Variants in INSC observed in about 807,000 individuals in gnomAD.
INSC encodes protein inscuteable homolog.
A neutral mutation model predicts 58.6 loss-of-function variants in INSC; 67 were observed. That is an observed-to-expected ratio of 1.14 (90% CI 0.94 to 1.40). The LOEUF is 1.40. Ranked by LOEUF, INSC falls within the 40% of genes most tolerant of loss-of-function variation. The pLI is 0.00. For synonymous variants in INSC, 262 were observed against 276.1 expected, an observed-to-expected ratio of 0.95 and a Z score of 0.51; for missense variants, 714 against 692.0, an observed-to-expected ratio of 1.03 and a Z score of -0.36.
chr11:15,213,947 C>G (rs7129739), intron 7 of INSC, among the ~76,000 whole-genome samples: 42,641 of 152,028 alleles, frequency 0.28, 6,764 homozygotes, highest in East Asian at 0.73. Context: ...CGCCATAAAA[C>G]AAACACCTCA....
rs1343495387 is a variant in INSC, at chr11:15,177,715, C to G, written c.455+552C>G. Among the ~76,000 whole-genome samples, 3 of 152,162 alleles carry G rather than the reference C, an allele frequency of 2.0e-5. No individual in the cohort carries two copies. The East Asian group carries it at 5.8e-4, about 29-fold the overall frequency. ...GTATACACACCCAGGTGTGTGTTGA[C>G]TTTTTCCTTCACCCTTCCCAGAGCC... On this transcript the variant is annotated intron_variant, in intron 4 of 12. Coordinates refer to ENST00000379556, the MANE Select transcript of INSC (RefSeq NM_001042536.3).
chr11:15,248,317 G>A (rs1852613855), downstream of INSC, among the ~76,000 whole-genome samples: 1 of 152,216 alleles, frequency 6.6e-6, no homozygotes, highest in South Asian at 2.1e-4. Context: ...ACAATTTGGT[G>A]CCACTGCCTT....
chr11:15,251,737 G>T (rs895680062), downstream of INSC, among the ~76,000 whole-genome samples: 2 of 134,328 alleles, frequency 1.5e-5, no homozygotes, highest in Non-Finnish European at 3.2e-5. Context: ...GTGGGATGGT[G>T]GGATGGTAAA....
rs114550486 is a variant in INSC, at chr11:15,134,685, A to C, written c.-45-14445A>C. The stretch of plus-strand genomic sequence containing the variant: ...ATAGAGCATTTACTTTAGTTCTCAC[A>C]ATTAGTCTCATTAATTAAGACTAGT... On this transcript the variant is annotated intron_variant, in intron 1 of 12. Coordinates refer to ENST00000379556, the MANE Select transcript of INSC (RefSeq NM_001042536.3). Among the ~76,000 whole-genome samples the C allele has an allele frequency of 4.4e-3, 664 of 152,262 alleles. 4 individuals carry two copies. Among genetic ancestry groups the C allele is most frequent in the African/African-American group, 0.015 (635 of 41,534 alleles).
At chr11:15,213,024 A>G (rs1851086890) in intron 7 of INSC, among the ~76,000 whole-genome samples, 1 of 152,232 alleles carries the variant, frequency 6.6e-6, no homozygotes, top group Non-Finnish European at 1.5e-5. Flanking sequence ...CATTTCACCA[A>G]GTCAGCAAGG....
intron 1 of INSC, among the ~76,000 whole-genome samples, chr11:15,131,409 TA>T (rs1183973975): frequency 6.7e-5 from 10 of 149,402 alleles, no homozygotes; most frequent in African/African-American, 7.3e-5. Context: ...AGTAGTTGAT[TA>T]AAAAAAAAAG....
intron 6 of INSC, among the ~76,000 whole-genome samples, chr11:15,192,618 A>T (rs1399427729): frequency 1.3e-5 from 2 of 152,186 alleles, no homozygotes; most frequent in Admixed American, 6.5e-5. Context: ...AAATTCACAG[A>T]TCCAAAATCT....
At chr11:15,123,185 T>C (rs1392182807) in intron 1 of INSC, among the ~76,000 whole-genome samples, 1 of 152,246 alleles carries the variant, frequency 6.6e-6, no homozygotes, top group African/African-American at 2.4e-5. Flanking sequence ...GTTGTCACTT[T>C]CATAATCTTC....
chr11:15,151,498 G>A (rs1296006128), intron 2 of INSC, among the ~76,000 whole-genome samples: 3 of 152,304 alleles, frequency 2.0e-5, no homozygotes, highest in East Asian at 3.9e-4. Flanking sequence ...ACTGGTGGAA[G>A]TGAAGGGGGT....
At chr11:15,164,041 C>T (rs1250589879) in intron 2 of INSC, among the ~76,000 whole-genome samples, 1 of 152,124 alleles carries the variant, frequency 6.6e-6, no homozygotes, top group African/African-American at 2.4e-5. Flanking sequence ...TGAGTTGGGA[C>T]ATTTCCTTTC....
upstream of INSC, among the ~76,000 whole-genome samples, chr11:15,114,698 G>A (rs562932649): frequency 3.0e-4 from 46 of 152,358 alleles, 1 homozygote; most frequent in South Asian, 8.9e-3. Flanking sequence ...AGATGGGAGG[G>A]AGGGCCATGT....
At chr11:15,221,724 C>G in intron 8 of INSC, 76 bp downstream of exon 8, 1 of 1,384,186 alleles carries the variant, frequency 7.2e-7, no homozygotes, top group Non-Finnish European at 9.8e-7. Context: ...GCCAGGAAGG[C>G]CTTCCCATCT....
chr11:15,167,083 C>CT (rs1367652294), intron 2 of INSC, among the ~76,000 whole-genome samples: 1 of 151,528 alleles, frequency 6.6e-6, no homozygotes, highest in Non-Finnish European at 1.5e-5. Flanking sequence ...TTCAGAACTG[C>CT]TTTTTGTCTA....
At chr11:15,176,958 C>T (rs149905918) in intron 3 of INSC, among the ~76,000 whole-genome samples, 153 bp from the exon 4 acceptor site, 38 of 152,308 alleles carry the variant, frequency 2.5e-4, no homozygotes, top group Middle Eastern at 3.4e-3. Context: ...AGCTCTTTCA[C>T]CACCTGTATC....
intron 2 of INSC, among the ~76,000 whole-genome samples, chr11:15,170,426 C>T (rs1849356128): frequency 6.6e-6 from 1 of 152,048 alleles, no homozygotes. Flanking sequence ...GAGTATTGGT[C>T]AGGTGTTTTG....
intron 1 of INSC, among the ~76,000 whole-genome samples, chr11:15,118,343 C>G (rs1375293557): frequency 6.6e-6 from 1 of 152,194 alleles, no homozygotes; most frequent in Non-Finnish European, 1.5e-5. Context: ...TAATTCACTC[C>G]AAGTCAAATT....
intron 2 of INSC, among the ~76,000 whole-genome samples, chr11:15,172,282 A>G (rs956160114): frequency 6.6e-6 from 1 of 152,104 alleles, no homozygotes; most frequent in African/African-American, 2.4e-5. Context: ...TCCATCTTTA[A>G]TAACTCCTTT....
chr11:15,162,233 C>A (rs1469274888), intron 2 of INSC, among the ~76,000 whole-genome samples: 1 of 152,098 alleles, frequency 6.6e-6, no homozygotes, highest in Non-Finnish European at 1.5e-5. Context: ...TGGCCTAATC[C>A]CTTCTATGAG....
intron 1 of INSC, among the ~76,000 whole-genome samples, chr11:15,147,853 C>T (rs891976671): frequency 2.6e-5 from 4 of 152,224 alleles, no homozygotes; most frequent in Non-Finnish European, 5.9e-5. Context: ...TGTTCACCCA[C>T]ATCACTATTA....
Sources: gnomAD v4.1 joint callset for allele counts (sites outside exome capture counted in the v4.1 genomes callset) on GRCh38, gnomAD v4.1.1 for gene constraint, MANE v1.5 for transcripts, NCBI Gene and HGNC (gene_info 2026-07-23, HGNC 2026-07-21) for gene names.